JUND: variants seen among roughly 807,000 people sequenced by gnomAD.
The protein encoded by JUND is transcription factor JunD.
A neutral mutation model predicts 7.1 loss-of-function variants in JUND; 2 were observed. The observed-to-expected ratio is 0.28, with a 90% CI of 0.11 to 0.88. The LOEUF is 0.88. JUND is among the 40% of genes least tolerant of loss of function. The probability of loss-of-function intolerance (pLI) is 0.60; values close to 1 mark genes in which losing one functional copy is unlikely to be tolerated. For synonymous variants in JUND, 335 were observed against 263.2 expected, an observed-to-expected ratio of 1.27 and a Z score of -2.64; for missense variants, 479 against 519.1, an observed-to-expected ratio of 0.92 and a Z score of 0.75.
rs1158816684 is a variant in JUND at position 18,280,440 on chromosome 19, C to T, written c.*1G>A. ...GCCGCGCATGCGCCCCGCGCGCGGACTCAGTACGCGGGCACCTGGTGCTGG... is the reference window on the plus strand; with the variant it reads ...GCCGCGCATGCGCCCCGCGCGCGGATTCAGTACGCGGGCACCTGGTGCTGG... On this transcript the variant is annotated 3_prime_UTR_variant, in exon 1 of 1. Coordinates refer to ENST00000252818, the MANE Select transcript of JUND (RefSeq NM_005354.6). This position sits in a 1 kb window ranked among gnomAD's most constrained non-coding sequence, Gnocchi z 4.1. 6.4e-7 allele frequency: 1 copy of T among 1,551,576 alleles called. No homozygotes were observed. Among genetic ancestry groups the T allele is most frequent in the South Asian group, 1.2e-5 (1 of 85,142 alleles).
rs1019398113 is a variant in JUND at position 18,280,412 on chromosome 19, G to A, written c.*29C>T. The A allele has an allele frequency of 6.5e-7, 1 of 1,538,942 alleles. No homozygotes were observed. Among genetic ancestry groups the A allele is most frequent in the Non-Finnish European group, 8.7e-7 (1 of 1,145,244 alleles). Reference sequence around the variant, plus strand: ...CCCGCGAGCCCGCCCCTTGGGGAGGGTGGCCGCGCATGCGCCCCGCGCGCG... The same window carrying A: ...CCCGCGAGCCCGCCCCTTGGGGAGGATGGCCGCGCATGCGCCCCGCGCGCG... On this transcript the variant is annotated 3_prime_UTR_variant, in exon 1 of 1. Transcript: ENST00000252818. This position sits in a 1 kb window ranked among gnomAD's most constrained non-coding sequence, Gnocchi z 4.1.
Position 18,281,550 on chromosome 19 carries a change from CCCCCGTCCGCTCGGCCCTGCGCCCG to C in JUND, c.-91_-67del, listed in dbSNP as rs1969951480. On this transcript the variant is annotated 5_prime_UTR_variant, in exon 1 of 1. Transcript: ENST00000252818. The stretch of plus-strand genomic sequence containing the variant: ...CGCGGCCTCCCGGGGGGCCCGCGCC[CCCCCGTCCGCTCGGCCCTGCGCCCG>C]CCCCGGCCGCGGCCGCAGCGCCCGG... 1 of 784,178 alleles carries C rather than the reference CCCCCGTCCGCTCGGCCCTGCGCCCG, an allele frequency of 1.3e-6. No individual in the cohort carries two copies. Among genetic ancestry groups the C allele is most frequent in the Non-Finnish European group, 1.6e-6 (1 of 624,304 alleles). The allele number at this position is 784,178 out of a possible 1,614,324, so 48.6% of individuals were successfully genotyped here.
chr19:18,281,542 C>T lies in JUND; in HGVS notation c.-58G>A, dbSNP rs920933289. 23 of 851,636 alleles carry T rather than the reference C, an allele frequency of 2.7e-5. No individual in the cohort carries two copies. Among genetic ancestry groups the T allele is most frequent in the South Asian group, 5.1e-5 (1 of 19,526 alleles). 52.8% of individuals were successfully genotyped at this position (851,636 alleles called of 1,614,324 possible). A position where few individuals can be genotyped will look rare whatever the true frequency, so the allele number is the denominator to read the frequency against. On this transcript the variant is annotated 5_prime_UTR_variant, in exon 1 of 1. Transcript: ENST00000252818. ...GGAGTGGCCGCGGCCTCCCGGGGGG[C>T]CCGCGCCCCCCCGTCCGCTCGGCCC...
chr19:18,281,313 C>A lies in JUND; in HGVS notation c.172G>T (p.Val58Leu). Residue 58 changes from valine (V) to leucine (L), a missense_variant, in exon 1 of 1, where the codon GTG (valine) becomes TTG (leucine). Transcript: ENST00000252818. ...GCCGCAGGCTTGAGCGCTGCCGCCA[C>A]CTGCTCACTCAGGCTCAGCGTCAGC... ...DALTLSLSEQ[V>L]AAALKPAAAP... The A allele has an allele frequency of 1.5e-6, 2 of 1,377,976 alleles. No individual in the cohort carries two copies. The highest frequency in any genetic ancestry group is 1.9e-6 in the Non-Finnish European group (2 of 1,075,520). 85.4% of individuals were successfully genotyped at this position (1,377,976 alleles called of 1,614,324 possible).
chr19:18,280,127 C>A lies in JUND; in HGVS notation c.*314G>T. On this transcript the variant is annotated 3_prime_UTR_variant, in exon 1 of 1. Transcript: ENST00000252818. The surrounding 1 kb of genome is among the most constrained non-coding windows in gnomAD (Gnocchi z 4.1). ...GCCCCCTCGGAGCCCCCTTCCGCGGCGCGGTGTACAAAGGGGCAGCCGAGA... is the reference window on the plus strand; with the variant it reads ...GCCCCCTCGGAGCCCCCTTCCGCGGAGCGGTGTACAAAGGGGCAGCCGAGA... 3.1e-6 allele frequency: 1 copy of A among 318,970 alleles called. No homozygotes were observed. Among genetic ancestry groups the A allele is most frequent in the East Asian group, 9.4e-5 (1 of 10,598 alleles). The allele number at this position is 318,970 out of a possible 1,614,324, so 19.8% of individuals were successfully genotyped here. A position where few individuals can be genotyped will look rare whatever the true frequency, so the allele number is the denominator to read the frequency against.
At position 18,281,276 on chromosome 19, in the gene JUND, G is replaced by A. The variant is rs779841856; in HGVS notation, c.209C>T (p.Pro70Leu). Residue 70 changes from proline to leucine, a missense_variant, in exon 1 of 1, where the codon CCT (proline) becomes CTT (leucine). Pro to Leu is a moderately conservative substitution (Grantham distance 98). Transcript: ENST00000252818. ...GGCGCCGTCGGCGCGCAGGGGGGTA[G>A]GAGGCGGCGCGGCCGCAGGCTTGAG... ...AALKPAAAPP[P>L]TPLRADGAPS... 7.0e-6 allele frequency: 10 copies of A among 1,428,550 alleles called. No individual in the cohort carries two copies. The South Asian group carries it at 1.4e-4, about 20-fold the overall frequency. The allele number at this position is 1,428,550 out of a possible 1,614,324, so 88.5% of individuals were successfully genotyped here.
In JUND at chr19:18,280,177, C is replaced by G. The variant is rs1012916688; in HGVS notation, c.*264G>C. ...ACGCGCGGGTTTGTGCAACACGGGGCGGCCGCGCGGGGGAAAGAGGCAGCG... is the reference window on the plus strand; with the variant it reads ...ACGCGCGGGTTTGTGCAACACGGGGGGGCCGCGCGGGGGAAAGAGGCAGCG... On this transcript the variant is annotated 3_prime_UTR_variant, in exon 1 of 1. Coordinates refer to ENST00000252818, the MANE Select transcript of JUND (RefSeq NM_005354.6). This position sits in a 1 kb window ranked among gnomAD's most constrained non-coding sequence, Gnocchi z 4.1. 7.3e-6 allele frequency: 3 copies of G among 413,058 alleles called. No homozygotes were observed. The highest frequency in any genetic ancestry group is 6.5e-5 in the African/African-American group (3 of 46,162). 25.6% of individuals were successfully genotyped at this position (413,058 alleles called of 1,614,324 possible).
Position 18,281,020 on chromosome 19 carries a change from C to T in JUND, c.465G>A (p.Ala155=), listed in dbSNP as rs896654167. The part of the protein sequence containing the change: ...EDLHKQNQLG[A]GAAAAAAAAA... ...CGGCGGCGGCGGCAGCGGCCGCGCC[C>T]GCGCCGAGCTGGTTCTGCTTGTGTA... Residue 155 remains alanine, a synonymous_variant, in exon 1 of 1, where the codon GCG becomes GCA. Transcript: ENST00000252818. 3 of 1,354,348 alleles carry T rather than the reference C, an allele frequency of 2.2e-6. No homozygotes were observed. Among genetic ancestry groups the T allele is most frequent in the Middle Eastern group, 5.5e-4 (2 of 3,648 alleles). 83.9% of individuals were successfully genotyped at this position (1,354,348 alleles called of 1,614,324 possible).
rs1194705604 is a variant in JUND, at chr19:18,280,473, G to A, written c.1012C>T (p.Leu338=). The A allele has an allele frequency of 4.4e-6, 7 of 1,573,928 alleles. No individual in the cohort carries two copies. The Admixed American group carries it at 5.6e-5, about 13-fold the overall frequency. ...VLSHVNSGCQ[L]LPQHQVPAY ...GCGGGCACCTGGTGCTGGGGCAGCAGCTGGCAGCCGCTGTTGACGTGGCTG... is the reference window on the plus strand; with the variant it reads ...GCGGGCACCTGGTGCTGGGGCAGCAACTGGCAGCCGCTGTTGACGTGGCTG... Residue 338 remains leucine, a synonymous_variant, in exon 1 of 1, where the codon CTG becomes TTG. Coordinates refer to ENST00000252818, the MANE Select transcript of JUND (RefSeq NM_005354.6). The surrounding 1 kb of genome is among the most constrained non-coding windows in gnomAD (Gnocchi z 4.1).
chr19:18,280,248 C>T lies in JUND; in HGVS notation c.*193G>A. On this transcript the variant is annotated 3_prime_UTR_variant, in exon 1 of 1. Transcript: ENST00000252818. This position sits in a 1 kb window ranked among gnomAD's most constrained non-coding sequence, Gnocchi z 4.1. ...GCTCGCCCCCCCGGGAGCAGGGGGT[C>T]CAGCTTGTCGAGTCCTGGGCACCCT... is the stretch of plus-strand genomic sequence containing the variant. 1 of 567,682 alleles carries T rather than the reference C, an allele frequency of 1.8e-6. No individual in the cohort carries two copies. The highest frequency in any genetic ancestry group is 3.3e-5 in the East Asian group (1 of 30,058). The allele number at this position is 567,682 out of a possible 1,614,324, so 35.2% of individuals were successfully genotyped here.
rs1288649302 is a variant in JUND at position 18,280,913 on chromosome 19, G to T, written c.572C>A (p.Ala191Glu). Residue 191 changes from alanine to glutamate, a missense_variant, in exon 1 of 1, where the codon GCG (alanine) becomes GAG (glutamate). Coordinates refer to ENST00000252818, the MANE Select transcript of JUND (RefSeq NM_005354.6). This position sits in a 1 kb window ranked among gnomAD's most constrained non-coding sequence, Gnocchi z 4.1. Reference protein sequence around the residue: ...ELAPAAAAPEAPVYANLSSYA... With the variant: ...ELAPAAAAPEEPVYANLSSYA... ...GCTGCTCAGGTTCGCGTAGACAGGC[G>T]CTTCGGGCGCGGCCGCCGCCGGGGC... 1 of 1,180,016 alleles carries T rather than the reference G, an allele frequency of 8.5e-7. No individual in the cohort carries two copies. Among genetic ancestry groups the T allele is most frequent in the Non-Finnish European group, 1.0e-6 (1 of 956,408 alleles). 73.1% of individuals were successfully genotyped at this position (1,180,016 alleles called of 1,614,324 possible).
rs1568288137 is a variant in JUND, at chr19:18,280,801, T to C, written c.684A>G (p.Pro228=). Residue 228 remains proline (P), a synonymous_variant, in exon 1 of 1, where the codon CCA becomes CCG. Coordinates refer to ENST00000252818, the MANE Select transcript of JUND (RefSeq NM_005354.6). The surrounding 1 kb of genome is among the most constrained non-coding windows in gnomAD (Gnocchi z 4.1). ...CCAGGCGCGGCGGCCCCAACGCGCC[T>C]GGGGGTGGCGGCGGCGGGAAGGGCA... ...EPVPFPPPPP[P]GALGPPRLAA... 1 of 1,572,722 alleles carries C rather than the reference T, an allele frequency of 6.4e-7. No individual in the cohort carries two copies. The highest frequency in any genetic ancestry group is 8.6e-7 in the Non-Finnish European group (1 of 1,168,418).
Position 18,280,550 on chromosome 19 carries a change from G to A in JUND, c.935C>T (p.Ser312Phe). Reference sequence around the variant, plus strand: ...CTGCTCGCGCAGCAGGCTCGCCGTGGACGCCAGCTCCGTGTTCTGACTCTT... The same window carrying A: ...CTGCTCGCGCAGCAGGCTCGCCGTGAACGCCAGCTCCGTGTTCTGACTCTT... ...TLKSQNTELA[S>F]TASLLREQVA... is the part of the protein sequence containing the mutation. The change falls in exon 1 of 1, where the codon TCC becomes TTC. Residue 312 changes from serine (S) to phenylalanine (F), a missense_variant. This residue lies in a region of JUND where 63 missense variants were observed against 116.6 expected (regional missense o/e 0.54). Transcript: ENST00000252818. The surrounding 1 kb of genome is among the most constrained non-coding windows in gnomAD (Gnocchi z 4.1). The A allele has an allele frequency of 6.2e-7, 1 of 1,612,524 alleles. No homozygotes were observed. The highest frequency in any genetic ancestry group is 8.5e-7 in the Non-Finnish European group (1 of 1,179,702).
chr19:18,280,472 A>AGCTGGCAGCC lies in JUND; in HGVS notation c.1003_1012dup (p.Leu338ArgfsTer89). 6.4e-7 allele frequency: 1 copy of AGCTGGCAGCC among 1,573,700 alleles called. No individual in the cohort carries two copies. The highest frequency in any genetic ancestry group is 8.6e-7 in the Non-Finnish European group (1 of 1,159,898). Reference sequence around the variant, plus strand: ...CGCGGGCACCTGGTGCTGGGGCAGCAGCTGGCAGCCGCTGTTGACGTGGCT... The same window carrying AGCTGGCAGCC: ...CGCGGGCACCTGGTGCTGGGGCAGCAGCTGGCAGCCGCTGGCAGCCGCTGTTGACGTGGCT... On this transcript the variant is annotated frameshift_variant, in exon 1 of 1. Transcript: ENST00000252818. LOFTEE classifies it high-confidence loss of function. This position sits in a 1 kb window ranked among gnomAD's most constrained non-coding sequence, Gnocchi z 4.1.
In JUND at chr19:18,280,379, G is replaced by A; in HGVS notation, c.*62C>T. The A allele has an allele frequency of 6.6e-7, 1 of 1,512,802 alleles. No homozygotes were observed. The highest frequency in any genetic ancestry group is 8.8e-7 in the Non-Finnish European group (1 of 1,135,686). 93.7% of individuals were successfully genotyped at this position (1,512,802 alleles called of 1,614,324 possible). A position where few individuals can be genotyped will look rare whatever the true frequency, so the allele number is the denominator to read the frequency against. On this transcript the variant is annotated 3_prime_UTR_variant, in exon 1 of 1. Transcript: ENST00000252818. The surrounding 1 kb of genome is among the most constrained non-coding windows in gnomAD (Gnocchi z 4.1). ...CCCTCTCCAAGTCCGGGGCGCCCACGACACCCCCCCGCGAGCCCGCCCCTT... is the reference window on the plus strand; with the variant it reads ...CCCTCTCCAAGTCCGGGGCGCCCACAACACCCCCCCGCGAGCCCGCCCCTT...
At position 18,281,083 on chromosome 19, in the gene JUND, C is replaced by T. The variant is rs202049193; in HGVS notation, c.402G>A (p.Gln134=). The change falls in exon 1 of 1, where the codon CAG becomes CAA. Residue 134 remains glutamine (Q), a synonymous_variant. Transcript: ENST00000252818. ...CCTTGACGAAGCCCTCGGCGAACTC[C>T]TGCTCCTCGCTGGCCGCCACCTTGG... is the stretch of plus-strand genomic sequence containing the variant. ...LYPKVAASEE[Q]EFAEGFVKAL... is the part of the protein sequence containing the mutation. The T allele has an allele frequency of 4.4e-6, 7 of 1,577,942 alleles. No homozygotes were observed. Among genetic ancestry groups the T allele is most frequent in the Non-Finnish European group, 2.6e-6 (3 of 1,166,866 alleles).
rs1220234342 is a variant in JUND, at chr19:18,280,261, T to C, written c.*180A>G. 1.1e-5 allele frequency: 6 copies of C among 535,224 alleles called. No individual in the cohort carries two copies. The highest frequency in any genetic ancestry group is 1.8e-5 in the Non-Finnish European group (6 of 331,116). 33.2% of individuals were successfully genotyped at this position (535,224 alleles called of 1,614,324 possible). ...GGAGCAGGGGGTCCAGCTTGTCGAGTCCTGGGCACCCTCGGGGGGGGGGAA... is the reference window on the plus strand; with the variant it reads ...GGAGCAGGGGGTCCAGCTTGTCGAGCCCTGGGCACCCTCGGGGGGGGGGAA... On this transcript the variant is annotated 3_prime_UTR_variant, in exon 1 of 1. Transcript: ENST00000252818. The surrounding 1 kb of genome is among the most constrained non-coding windows in gnomAD (Gnocchi z 4.1).
At position 18,280,998 on chromosome 19, in the gene JUND, C is replaced by T; in HGVS notation, c.487G>A (p.Ala163Thr). 1 of 1,218,586 alleles carries T rather than the reference C, an allele frequency of 8.2e-7. No individual in the cohort carries two copies. Among genetic ancestry groups the T allele is most frequent in the Non-Finnish European group, 1.0e-6 (1 of 980,110 alleles). The allele number at this position is 1,218,586 out of a possible 1,614,324, so 75.5% of individuals were successfully genotyped here. A position where few individuals can be genotyped will look rare whatever the true frequency, so the allele number is the denominator to read the frequency against. Residue 163 changes from alanine (A) to threonine (T), a missense_variant, in exon 1 of 1, where the codon GCC becomes ACC. By Grantham distance (58) the Ala-to-Thr change is moderately conservative. Transcript: ENST00000252818. This position sits in a 1 kb window ranked among gnomAD's most constrained non-coding sequence, Gnocchi z 4.1. ...CCCGAGGGCCCCCCGGCGGCGGCGG[C>T]GGCGGCGGCAGCGGCCGCGCCCGCG... is the stretch of plus-strand genomic sequence containing the variant. Reference protein sequence around the residue: ...LGAGAAAAAAAAAAGGPSGTA... With the variant: ...LGAGAAAAAATAAAGGPSGTA...
chr19:18,281,347 C>T lies in JUND; in HGVS notation c.138G>A (p.Lys46=), dbSNP rs773892120. 197 of 1,347,832 alleles carry T rather than the reference C, an allele frequency of 1.5e-4. No homozygotes were observed. Among genetic ancestry groups the T allele is most frequent in the Admixed American group, 8.1e-4 (20 of 24,556 alleles). 83.5% of individuals were successfully genotyped at this position (1,347,832 alleles called of 1,614,324 possible). The change falls in exon 1 of 1, where the codon AAG becomes AAA. Residue 46 remains lysine, a synonymous_variant. Transcript: ENST00000252818. ...PPTAAAGSMM[K]KDALTLSLSE... Reference sequence around the variant, plus strand: ...TCAGGCTCAGCGTCAGCGCGTCCTTCTTCATCATGCTGCCGGCCGCGGCCG... The same window carrying T: ...TCAGGCTCAGCGTCAGCGCGTCCTTTTTCATCATGCTGCCGGCCGCGGCCG...
Sources: allele counts gnomAD v4.1 joint callset, GRCh38; gene constraint gnomAD v4.1.1; regional missense constraint gnomAD v4.1.1; non-coding constraint Gnocchi (gnomAD v3.1); transcripts MANE v1.5; gene names NCBI Gene and HGNC (gene_info 2026-07-23, HGNC 2026-07-21).